RRP36: variants seen among roughly 807,000 people sequenced by gnomAD.
RRP36 encodes the protein ribosomal RNA processing 36, also known as ribosomal RNA processing protein 36 homolog.
RRP36 carries 44 observed loss-of-function variants against 39.8 expected under a neutral mutation model. The ratio of observed to expected loss-of-function variants is 1.10; its 90% CI spans 0.87 to 1.42. The LOEUF (loss-of-function observed/expected upper bound fraction) is 1.42, where lower values mean the gene tolerates loss of function less well. Ranked by LOEUF, RRP36 falls within the 40% of genes most tolerant of loss-of-function variation. RRP36 has a pLI of 0.00. For missense variants in RRP36, 316 were observed against 322.4 expected (o/e 0.98, Z 0.15); for synonymous variants, 124 against 123.1 (o/e 1.01, Z -0.05).
chr6:43,027,510 A>G (rs777861107), intron 6 of RRP36, 33 bp downstream of exon 6: 1 of 1,549,172 alleles, frequency 6.5e-7, no homozygotes, highest in Non-Finnish European at 8.9e-7. Context: ...TAACAGGGAC[A>G]GGGGTGCAGG....
chr6:43,028,693 G>A (rs373837786), intron 6 of RRP36, among the ~76,000 whole-genome samples: 4 of 151,474 alleles, frequency 2.6e-5, no homozygotes, highest in East Asian at 1.9e-4. Flanking sequence ...GCTCACGCCT[G>A]TAATCCCAGC....
chr6:43,026,111 C>T lies in RRP36; in HGVS notation c.420C>T (p.Phe140=). The change falls in exon 4 of 7, where the codon TTC becomes TTT. Residue 140 remains phenylalanine, a synonymous_variant. Transcript: ENST00000244496. Reference sequence around the variant, plus strand: ...AGGTGTTTGACAAAACATACCAATTCTTGAATGACATCCGAGCGAAAGAGA... The same window carrying T: ...AGGTGTTTGACAAAACATACCAATTTTTGAATGACATCCGAGCGAAAGAGA... ...NPEVFDKTYQ[F]LNDIRAKEKE... 6.2e-7 allele frequency: 1 copy of T among 1,613,694 alleles called. No homozygotes were observed. Among genetic ancestry groups the T allele is most frequent in the South Asian group, 1.1e-5 (1 of 91,066 alleles).
At chr6:43,027,951 A>G (rs899846482) in intron 6 of RRP36, among the ~76,000 whole-genome samples, 1 of 152,086 alleles carries the variant, frequency 6.6e-6, no homozygotes, top group Non-Finnish European at 1.5e-5. Flanking sequence ...TCTACACTGC[A>G]CACACACACA....
intron 6 of RRP36, among the ~76,000 whole-genome samples, chr6:43,027,800 A>AC (rs1561864061): frequency 3.9e-5 from 4 of 103,792 alleles, no homozygotes; most frequent in Non-Finnish European, 7.9e-5. Flanking sequence ...CACACACACA[A>AC]ACACAGAGTC....
At chr6:43,021,895 G>C (rs1225179827) in intron 1 of RRP36, 111 bp downstream of exon 1, 4 of 805,372 alleles carry the variant, frequency 5.0e-6, no homozygotes, top group Non-Finnish European at 6.6e-6. Context: ...AGAGGCAGAC[G>C]CTACACTAGG....
At position 43,025,260 on chromosome 6, in the gene RRP36, T is replaced by C. The variant is rs375073874; in HGVS notation, c.279-3T>C. On this transcript the variant is annotated splice_polypyrimidine_tract_variant and splice_region_variant and intron_variant, in intron 2 of 6. Transcript: ENST00000244496. The stretch of plus-strand genomic sequence containing the variant: ...CTTGACTTGGCTTTTAATTTCTCCA[T>C]AGGCCTCTGGAAATGTCAGCCAAGA... The C allele has an allele frequency of 5.6e-6, 9 of 1,614,022 alleles. No individual in the cohort carries two copies. Among genetic ancestry groups the C allele is most frequent in the Non-Finnish European group, 7.6e-6 (9 of 1,180,024 alleles).
chr6:43,027,415 C>G lies in RRP36; in HGVS notation c.581C>G (p.Ala194Gly), dbSNP rs750147388. 4 of 1,614,236 alleles carry G rather than the reference C, an allele frequency of 2.5e-6. No homozygotes were observed. Among genetic ancestry groups the G allele is most frequent in the Non-Finnish European group, 3.4e-6 (4 of 1,180,042 alleles). Reference protein sequence around the residue: ...ERKQQQELHLALKQERRAQAQ... With the variant: ...ERKQQQELHLGLKQERRAQAQ... ...AAGCAACAGCAGGAGCTGCACCTGG[C>G]CCTGAAGCAAGAACGTCGGGCTCAG... The change falls in exon 6 of 7, where the codon GCC becomes GGC. Residue 194 changes from alanine (A) to glycine (G), a missense_variant. Ala to Gly is a moderately conservative substitution (Grantham distance 60, BLOSUM62 0). Coordinates refer to ENST00000244496, the MANE Select transcript of RRP36 (RefSeq NM_033112.4).
At position 43,021,669 on chromosome 6, in the gene RRP36, CTACCGCGCCGG is replaced by C; in HGVS notation, c.16_26del (p.Tyr6GlyfsTer38). The C allele has an allele frequency of 7.9e-7, 1 of 1,261,104 alleles. No individual in the cohort carries two copies. The highest frequency in any genetic ancestry group is 9.9e-7 in the Non-Finnish European group (1 of 1,007,646). 78.1% of individuals were successfully genotyped at this position (1,261,104 alleles called of 1,614,324 possible). A position where few individuals can be genotyped will look rare whatever the true frequency, so the allele number is the denominator to read the frequency against. On this transcript the variant is annotated frameshift_variant, in exon 1 of 7. Coordinates refer to ENST00000244496, the MANE Select transcript of RRP36 (RefSeq NM_033112.4). LOFTEE classifies it high-confidence loss of function. The stretch of plus-strand genomic sequence containing the variant: ...ACTGCCAGCTGATGCCGGGAGCTAA[CTACCGCGCCGG>C]GGCCGGGGCCGGGGCCGGGGCCCGA...
chr6:43,027,861 CTT>C (rs1762846039), intron 6 of RRP36, among the ~76,000 whole-genome samples: 1 of 151,200 alleles, frequency 6.6e-6, no homozygotes, highest in Non-Finnish European at 1.5e-5. Flanking sequence ...AGTTTTATCT[CTT>C]GGTCTATACT....
chr6:43,021,702 C>T lies in RRP36; in HGVS notation c.48C>T (p.Ala16=), dbSNP rs1762715297. 1.7e-6 allele frequency: 2 copies of T among 1,194,166 alleles called. No individual in the cohort carries two copies. The highest frequency in any genetic ancestry group is 3.2e-5 in the African/African-American group (2 of 62,936). 74.0% of individuals were successfully genotyped at this position (1,194,166 alleles called of 1,614,324 possible). ...YRAGAGAGAG[A]RRPRGARDRE... ...CCGGGGCCGGGGCCGGGGCCGGGGCCCGACGTCCCCGCGGGGCCCGGGACC... is the reference window on the plus strand; with the variant it reads ...CCGGGGCCGGGGCCGGGGCCGGGGCTCGACGTCCCCGCGGGGCCCGGGACC... Residue 16 remains alanine, a synonymous_variant, in exon 1 of 7, where the codon GCC becomes GCT. Transcript: ENST00000244496.
chr6:43,028,991 C>T, intron 6 of RRP36, 101 bp from the exon 7 acceptor site: 1 of 1,465,736 alleles, frequency 6.8e-7, no homozygotes. Flanking sequence ...CTTTAAAGAA[C>T]TCATGTATCC....
intron 1 of RRP36, among the ~76,000 whole-genome samples, chr6:43,024,448 T>C (rs998021844): frequency 9.2e-5 from 14 of 152,152 alleles, no homozygotes; most frequent in South Asian, 2.1e-4. Context: ...ATGGAAGCCA[T>C]TGGGGACTTT....
Position 43,025,055 on chromosome 6 carries a change from A to T in RRP36, c.201A>T (p.Gln67His). ...AAGTGGGGACTAAGACGTACAAACA[A>T]TTGGTAGCTGGAAATAGTCCTAAGA... ...QSQVGTKTYKQLVAGNSPKKQ... is the reference protein window; with the variant it reads ...QSQVGTKTYKHLVAGNSPKKQ... Residue 67 changes from glutamine to histidine, a missense_variant, in exon 2 of 7, where the codon CAA (glutamine) becomes CAT (histidine). Physicochemically the swap from Gln to His is conservative, Grantham distance 24. Transcript: ENST00000244496. 6.2e-7 allele frequency: 1 copy of T among 1,614,230 alleles called. No individual in the cohort carries two copies. Among genetic ancestry groups the T allele is most frequent in the South Asian group, 1.1e-5 (1 of 91,078 alleles).
At chr6:43,025,425 C>A (rs1411147963) in intron 3 of RRP36, 96 bp downstream of exon 3, 14 of 1,038,924 alleles carry the variant, frequency 1.3e-5, no homozygotes, top group Non-Finnish European at 1.9e-5. Flanking sequence ...AGTTCCAAGA[C>A]CAGCATGGCC....
Position 43,027,233 on chromosome 6 carries a change from A to G in RRP36, c.506A>G (p.Gln169Arg), listed in dbSNP as rs1159213886. The change falls in exon 5 of 7, where the codon CAG becomes CGG. Residue 169 changes from glutamine (Q) to arginine (R), a missense_variant. Physicochemically the swap from Gln to Arg is conservative, Grantham distance 43. Transcript: ENST00000244496. ...TCAGGAGAGGAGCATGAGAAACTGC[A>G]GCAACTGCTTCAGCGAATGGTGAGT... Reference protein sequence around the residue: ...HLSGEEHEKLQQLLQRMEQQE... With the variant: ...HLSGEEHEKLRQLLQRMEQQE... The G allele has an allele frequency of 1.2e-6, 2 of 1,614,266 alleles. No homozygotes were observed. Among genetic ancestry groups the G allele is most frequent in the Non-Finnish European group, 1.7e-6 (2 of 1,180,036 alleles).
Position 43,026,127 on chromosome 6 carries a change from GC to G in RRP36, c.437del (p.Ala146GlyfsTer7), listed in dbSNP as rs767436651. On this transcript the variant is annotated frameshift_variant, in exon 4 of 7. Coordinates refer to ENST00000244496, the MANE Select transcript of RRP36 (RefSeq NM_033112.4). LOFTEE classifies it high-confidence loss of function. ...ATACCAATTCTTGAATGACATCCGA[GC>G]GAAAGAGAAAGAGGTATACAGCTTG... is the stretch of plus-strand genomic sequence containing the variant. The part of the protein sequence containing the change: ...KTYQFLNDIR[A>X]KEKELVKKQL... The G allele has an allele frequency of 3.1e-6, 5 of 1,612,982 alleles. No individual in the cohort carries two copies.
rs777173464 is a variant in RRP36 at position 43,026,080 on chromosome 6, A to G, written c.389A>G (p.Asn130Ser). The G allele has an allele frequency of 3.7e-6, 6 of 1,614,010 alleles. No homozygotes were observed. In the African/African-American group the frequency reaches 5.3e-5, roughly 14 times the overall value. ...PRFDDLSGEY[N>S]PEVFDKTYQF... Reference sequence around the variant, plus strand: ...TTTGATGATCTGTCAGGGGAATATAATCCTGAGGTGTTTGACAAAACATAC... The same window carrying G: ...TTTGATGATCTGTCAGGGGAATATAGTCCTGAGGTGTTTGACAAAACATAC... Residue 130 changes from asparagine to serine, a missense_variant, in exon 4 of 7, where the codon AAT becomes AGT. Asn to Ser is a conservative substitution (Grantham distance 46). Transcript: ENST00000244496.
intron 3 of RRP36, 28 bp downstream of exon 3, chr6:43,025,357 T>C (rs1412723080): frequency 4.4e-6 from 7 of 1,608,524 alleles, no homozygotes; most frequent in Non-Finnish European, 5.9e-6. Flanking sequence ...GCACTGTGGC[T>C]CACGCCTGTA....
intron 1 of RRP36, among the ~76,000 whole-genome samples, chr6:43,022,406 A>T (rs1258329418): frequency 6.6e-6 from 1 of 151,184 alleles, no homozygotes; most frequent in East Asian, 2.0e-4. Context: ...CCTGTTTTTT[A>T]AATTTTTTAT....
Sources: allele counts gnomAD v4.1 joint callset (sites outside exome capture counted in the v4.1 genomes callset), GRCh38; gene constraint gnomAD v4.1.1; transcripts MANE v1.5; gene names NCBI Gene and HGNC (gene_info 2026-07-23, HGNC 2026-07-21).